CDK14: variants seen among roughly 807,000 people sequenced by gnomAD.
CDK14 encodes the protein cyclin-dependent kinase 14.
In CDK14, 34 loss-of-function variants were observed where a neutral mutation model predicts 60.7. That is an observed-to-expected ratio of 0.56 (90% CI 0.43 to 0.75). CDK14 has a LOEUF of 0.75. Ranked by LOEUF, CDK14 falls within the 30% of genes least tolerant of loss-of-function variation. The pLI is 0.00. For missense variants in CDK14, 482 were observed against 564.1 expected (o/e 0.85, Z 1.47); for synonymous variants, 197 against 203.7 (o/e 0.97, Z 0.28).
At chr7:90,802,726 G>A (rs1391303759) in intron 5 of CDK14, among the ~76,000 whole-genome samples, 1 of 152,000 alleles carries the variant, frequency 6.6e-6, no homozygotes, top group Non-Finnish European at 1.5e-5. Context: ...TGAACATGAG[G>A]CCATAAAATA....
chr7:90,995,329 A>G (rs374300355), intron 10 of CDK14, among the ~76,000 whole-genome samples: 1 of 152,156 alleles, frequency 6.6e-6, no homozygotes, highest in African/African-American at 2.4e-5. Context: ...AGCTTTGTGA[A>G]TGAGCTTAGA....
intron 10 of CDK14, among the ~76,000 whole-genome samples, chr7:91,040,130 A>G (rs1378881850): frequency 6.6e-6 from 1 of 152,152 alleles, no homozygotes; most frequent in African/African-American, 2.4e-5. Flanking sequence ...AGGCCACTGG[A>G]TCCTGAAACC....
intron 2 of CDK14, among the ~76,000 whole-genome samples, chr7:90,622,634 T>C (rs1799794707): frequency 1.3e-5 from 2 of 152,342 alleles, no homozygotes; most frequent in Admixed American, 6.5e-5. Context: ...TGGTCCCTTC[T>C]CTAAGTGGGT....
intron 6 of CDK14, among the ~76,000 whole-genome samples, chr7:90,882,912 G>T (rs1247951016): frequency 6.6e-6 from 1 of 152,080 alleles, no homozygotes; most frequent in Non-Finnish European, 1.5e-5. Context: ...AAGAAACAAT[G>T]TACCAGAATC....
chr7:91,072,214 G>A (rs1798169054), intron 11 of CDK14, among the ~76,000 whole-genome samples: 1 of 152,116 alleles, frequency 6.6e-6, no homozygotes, highest in Admixed American at 6.5e-5. Flanking sequence ...ACCCAACTGG[G>A]CGAGACCCTC....
At chr7:91,107,851 C>T (rs1226506660) in intron 12 of CDK14, 2 of 152,170 alleles carry the variant, frequency 1.3e-5, no homozygotes, top group Non-Finnish European at 2.9e-5. Flanking sequence ...AGACAGGACC[C>T]AGTTTATCAA....
chr7:90,936,906 C>A (rs942729174), intron 8 of CDK14, among the ~76,000 whole-genome samples: 2 of 151,840 alleles, frequency 1.3e-5, no homozygotes, highest in Admixed American at 1.3e-4. Flanking sequence ...TAGTGATACT[C>A]TATCTCTACA....
intron 10 of CDK14, among the ~76,000 whole-genome samples, chr7:91,004,471 G>A (rs890703135): frequency 6.6e-6 from 1 of 152,182 alleles, no homozygotes; most frequent in South Asian, 2.1e-4. Flanking sequence ...TTGGTGAGGG[G>A]CATTTCCAAC....
At chr7:91,116,869 C>T (rs1799624857) in intron 13 of CDK14, among the ~76,000 whole-genome samples, 1 of 151,790 alleles carries the variant, frequency 6.6e-6, no homozygotes, top group South Asian at 2.1e-4. Flanking sequence ...GCTGATTTCT[C>T]CTCATCTGCC....
intron 4 of CDK14, among the ~76,000 whole-genome samples, chr7:90,785,620 C>A (rs1031681442): frequency 4.0e-5 from 6 of 151,734 alleles, no homozygotes; most frequent in Non-Finnish European, 8.8e-5. Flanking sequence ...CCCATCTCTA[C>A]TAAAAATACA....
intron 5 of CDK14, among the ~76,000 whole-genome samples, chr7:90,853,509 A>C (rs1294155503): frequency 6.9e-6 from 1 of 143,960 alleles, no homozygotes; most frequent in Non-Finnish European, 1.6e-5. Flanking sequence ...AGTGTAACTA[A>C]ATACGTAAAC....
intron 2 of CDK14, among the ~76,000 whole-genome samples, chr7:90,722,370 AT>A (rs574653227): frequency 8.3e-4 from 126 of 151,980 alleles, no homozygotes; most frequent in African/African-American, 2.8e-3. Flanking sequence ...CACCCGCCTA[AT>A]TTTTATATTT....
chr7:90,848,586 GA>G lies in CDK14; in HGVS notation c.545-14588del, dbSNP rs559244161. On this transcript the variant is annotated intron_variant, in intron 5 of 14. Transcript: ENST00000380050. ...AATATCAAAAGTTTAATACCTACTTGACTTTTTTTCTAAGCCTCTGAGATTG... is the reference window on the plus strand; with the variant it reads ...AATATCAAAAGTTTAATACCTACTTGCTTTTTTTCTAAGCCTCTGAGATTG... 3.3e-3 allele frequency among the ~76,000 whole-genome samples: 505 copies of G among 152,244 alleles called. 4 individuals are homozygous for G. The Middle Eastern group carries it at 0.037, about 11-fold the overall frequency.
At chr7:90,867,676 A>G (rs1029977157) in intron 6 of CDK14, among the ~76,000 whole-genome samples, 1 of 151,840 alleles carries the variant, frequency 6.6e-6, no homozygotes, top group African/African-American at 2.4e-5. Context: ...TTTTTTTTGG[A>G]GGGGGGTGGA....
At chr7:90,959,132 G>T (rs1477719397) in intron 9 of CDK14, among the ~76,000 whole-genome samples, 3 of 152,082 alleles carry the variant, frequency 2.0e-5, no homozygotes, top group Non-Finnish European at 4.4e-5. Context: ...CATAATGGAA[G>T]CACAAGAAGA....
At chr7:90,729,036 A>ATT (rs1245034908) in intron 3 of CDK14, among the ~76,000 whole-genome samples, 1 of 143,098 alleles carries the variant, frequency 7.0e-6, no homozygotes. Flanking sequence ...CTTTCTCATG[A>ATT]TTTTTTTTTT....
chr7:90,827,128 A>G (rs1195783739), intron 5 of CDK14, among the ~76,000 whole-genome samples: 2 of 151,456 alleles, frequency 1.3e-5, no homozygotes, highest in African/African-American at 4.9e-5. Flanking sequence ...ACCCATCCCA[A>G]TCCCGTCAAC....
At chr7:90,840,712 T>C (rs1259229048) in intron 5 of CDK14, among the ~76,000 whole-genome samples, 1 of 152,176 alleles carries the variant, frequency 6.6e-6, no homozygotes, top group African/African-American at 2.4e-5. Flanking sequence ...CTTTATCCTT[T>C]TTCCTGTTTT....
chr7:90,765,792 A>G (rs562830687), intron 4 of CDK14, among the ~76,000 whole-genome samples: 3 of 152,274 alleles, frequency 2.0e-5, no homozygotes, highest in Non-Finnish European at 4.4e-5. Context: ...TTCAGTTTTA[A>G]ACTAAATGGG....
Sources: gnomAD v4.1 joint callset for allele counts (sites outside exome capture counted in the v4.1 genomes callset) on GRCh38, gnomAD v4.1.1 for gene constraint, MANE v1.5 for transcripts, NCBI Gene and HGNC (gene_info 2026-07-23, HGNC 2026-07-21) for gene names.